Variants in PNO1 observed in about 807,000 individuals in gnomAD.
The protein encoded by PNO1 is partner of NOB1 homolog.
Under a neutral mutation model 28.4 loss-of-function variants are expected in PNO1, and 16 were observed. The observed-to-expected ratio is 0.56, with a 90% confidence interval of 0.38 to 0.85. The LOEUF is 0.85. Ranked by LOEUF, PNO1 falls within the 40% of genes least tolerant of loss-of-function variation. PNO1 has a pLI of 0.00. For synonymous variants in PNO1, 115 were observed against 110.8 expected (o/e 1.04, Z -0.24); for missense variants, 304 against 312.2 (o/e 0.97, Z 0.20).
intron 2 of PNO1, chr2:68,161,145 T>C: frequency 2.1e-6 from 1 of 465,154 alleles, no homozygotes. Context: ...ATAACAGTTA[T>C]TTCTGCATTT....
chr2:68,173,657 A>C (rs10166426), intron 6 of PNO1, among the ~76,000 whole-genome samples: 4,365 of 139,580 alleles, frequency 0.031, 197 homozygotes, highest in African/African-American at 0.11. Flanking sequence ...ATCTCGGCTC[A>C]CTGCAACCTC....
At chr2:68,160,373 G>C (rs1673800111) in intron 2 of PNO1, among the ~76,000 whole-genome samples, 1 of 152,104 alleles carries the variant, frequency 6.6e-6, no homozygotes, top group Non-Finnish European at 1.5e-5. Flanking sequence ...ACTTTTTGGT[G>C]GCTTTGGCCT....
chr2:68,163,589 TCAAGGGAA>T (rs1673899537), intron 5 of PNO1, among the ~76,000 whole-genome samples: 1 of 141,134 alleles, frequency 7.1e-6, no homozygotes, highest in African/African-American at 3.2e-5. Context: ...ACATACTTAC[TCAAGGGAA>T]TCTATTAAAT....
chr2:68,158,611 A>C (rs1053872926), intron 2 of PNO1, 82 bp downstream of exon 2: 1 of 1,232,584 alleles, frequency 8.1e-7, no homozygotes, highest in African/African-American at 1.5e-5. Flanking sequence ...GCTTTACTTA[A>C]TGGGACTTTT....
chr2:68,165,327 G>A (rs1203556295), intron 5 of PNO1, among the ~76,000 whole-genome samples: 1 of 140,492 alleles, frequency 7.1e-6, no homozygotes, highest in Non-Finnish European at 1.5e-5. Context: ...TCCCGCCACT[G>A]CACTCCAGCC....
At chr2:68,162,226 A>G in intron 3 of PNO1, 39 bp from the exon 4 acceptor site, 4 of 1,507,446 alleles carry the variant, frequency 2.7e-6, no homozygotes, top group South Asian at 1.2e-5. Flanking sequence ...CAGGTGTGCA[A>G]ATGGAAGGGG....
In PNO1 at chr2:68,175,119, C is replaced by G. The variant is rs927836760; in HGVS notation, c.*317C>G. The G allele has an allele frequency of 3.4e-5, 7 of 207,834 alleles. No individual in the cohort carries two copies. Among genetic ancestry groups the G allele is most frequent in the Non-Finnish European group, 5.7e-5 (6 of 104,720 alleles). The allele number at this position is 207,834 out of a possible 1,614,324, so 12.9% of individuals were successfully genotyped here. Reference sequence around the variant, plus strand: ...AGGGAAACTTCTTGTTTAAACAGCTCTATATGGATTTATACTTTTATATTT... The same window carrying G: ...AGGGAAACTTCTTGTTTAAACAGCTGTATATGGATTTATACTTTTATATTT... On this transcript the variant is annotated 3_prime_UTR_variant, in exon 7 of 7. Transcript: ENST00000263657.
chr2:68,174,671 G>C, intron 6 of PNO1, 64 bp from the exon 7 acceptor site: 2 of 1,095,684 alleles, frequency 1.8e-6, no homozygotes, highest in Non-Finnish European at 2.8e-6. Context: ...AGACACTGAG[G>C]GACAACTGTA....
chr2:68,161,710 G>C lies in PNO1; in HGVS notation c.385G>C (p.Ala129Pro), dbSNP rs528399980. 6.2e-7 allele frequency: 1 copy of C among 1,612,924 alleles called. No homozygotes were observed. The highest frequency in any genetic ancestry group is 8.5e-7 in the Non-Finnish European group (1 of 1,179,102). Residue 129 changes from alanine to proline, a missense_variant, in exon 3 of 7, where the codon GCT (alanine) becomes CCT (proline). Coordinates refer to ENST00000263657, the MANE Select transcript of PNO1 (RefSeq NM_020143.4). ...RTCKETKDVS[A>P]LTKAADFVKA... Reference sequence around the variant, plus strand: ...TTGTAAAGAAACCAAGGATGTTAGTGCTCTGACAAAAGCAGCTGATTTTGT... The same window carrying C: ...TTGTAAAGAAACCAAGGATGTTAGTCCTCTGACAAAAGCAGCTGATTTTGT...
chr2:68,162,615 A>G lies in PNO1; in HGVS notation c.572A>G (p.Lys191Arg), dbSNP rs372670412. The change falls in exon 5 of 7, where the codon AAA (lysine) becomes AGA (arginine). Residue 191 changes from lysine to arginine, a missense_variant. Transcript: ENST00000263657. Reference protein sequence around the residue: ...GRIAGKGGKTKFTIENVTRTR... With the variant: ...GRIAGKGGKTRFTIENVTRTR... ...ATCGCTGGCAAAGGAGGAAAAACCA[A>G]ATTCACCATAGAGAATGTGACACGG... 12 of 1,613,704 alleles carry G rather than the reference A, an allele frequency of 7.4e-6. No homozygotes were observed. In the African/African-American group the frequency reaches 9.3e-5, roughly 13 times the overall value.
At chr2:68,172,731 A>G (rs1674162899) in intron 5 of PNO1, among the ~76,000 whole-genome samples, 1 of 152,150 alleles carries the variant, frequency 6.6e-6, no homozygotes, top group Admixed American at 6.5e-5. Flanking sequence ...TTGATTTCTT[A>G]TAAACTTCTC....
At position 68,158,082 on chromosome 2, in the gene PNO1, G is replaced by C; in HGVS notation, c.148G>C (p.Glu50Gln). Residue 50 changes from glutamate (E) to glutamine (Q), a missense_variant, in exon 1 of 7, where the codon GAG (glutamate) becomes CAG (glutamine). Transcript: ENST00000263657. ...CGGGGATGCGGGCCGCATGGACACA[G>C]AGGAGGCCAGGCCGGCGAAGAGGCC... Reference protein sequence around the residue: ...EGGDAGRMDTEEARPAKRPVF... With the variant: ...EGGDAGRMDTQEARPAKRPVF... 1 of 1,613,394 alleles carries C rather than the reference G, an allele frequency of 6.2e-7. No homozygotes were observed. The highest frequency in any genetic ancestry group is 8.5e-7 in the Non-Finnish European group (1 of 1,179,804).
chr2:68,174,909 C>T lies in PNO1; in HGVS notation c.*107C>T, dbSNP rs1674234489. The stretch of plus-strand genomic sequence containing the variant: ...AACAATTTCAGTCATTTGAAGCCTC[C>T]GTCCCTTCTTCCATTCTCAGCCAGA... On this transcript the variant is annotated 3_prime_UTR_variant, in exon 7 of 7. Transcript: ENST00000263657. 7 of 617,676 alleles carry T rather than the reference C, an allele frequency of 1.1e-5. No individual in the cohort carries two copies. The highest frequency in any genetic ancestry group is 1.1e-4 in the South Asian group (5 of 46,646). 38.3% of individuals were successfully genotyped at this position (617,676 alleles called of 1,614,324 possible).
Position 68,173,346 on chromosome 2 carries a change from G to A in PNO1, c.621-1G>A. On this transcript the variant is annotated splice_acceptor_variant, in intron 5 of 6. Transcript: ENST00000263657. LOFTEE classifies it high-confidence loss of function. The stretch of plus-strand genomic sequence containing the variant: ...AATTTGTCTCATTTTATTTCTTTCA[G>A]GAAAGTTCACATCCTTGGCTCCTTC... 1 of 1,587,534 alleles carries A rather than the reference G, an allele frequency of 6.3e-7. No homozygotes were observed. The highest frequency in any genetic ancestry group is 8.6e-7 in the Non-Finnish European group (1 of 1,156,576).
At position 68,160,336 on chromosome 2, in the gene PNO1, C is replaced by T. The variant is rs145430036; in HGVS notation, c.358-1347C>T. Among the ~76,000 whole-genome samples the T allele has an allele frequency of 1.3e-3, 204 of 152,304 alleles. 1 individual carries two copies. Among genetic ancestry groups the T allele is most frequent in the African/African-American group, 4.7e-3 (194 of 41,552 alleles). ...GACTCAGTCACAAGTTTGTCTCTCA[C>T]GGATCATAAAGTTTGTTTATGTCCA... On this transcript the variant is annotated intron_variant, in intron 2 of 6. Transcript: ENST00000263657.
At chr2:68,159,616 T>A (rs1016867042) in intron 2 of PNO1, among the ~76,000 whole-genome samples, 5 of 152,210 alleles carry the variant, frequency 3.3e-5, no homozygotes, top group Non-Finnish European at 7.3e-5. Flanking sequence ...TAACCGAAAT[T>A]AATTATATTT....
At chr2:68,163,738 A>G (rs1673905453) in intron 5 of PNO1, among the ~76,000 whole-genome samples, 1 of 152,182 alleles carries the variant, frequency 6.6e-6, no homozygotes, top group African/African-American at 2.4e-5. Context: ...TACATTAGGC[A>G]AAACTAGAGA....
rs1008869308 is a variant in PNO1, at chr2:68,161,066, G to C, written c.358-617G>C. 5 of 363,294 alleles carry C rather than the reference G, an allele frequency of 1.4e-5. No homozygotes were observed. In the Admixed American group the frequency reaches 1.9e-4, roughly 14 times the overall value. 22.5% of individuals were successfully genotyped at this position (363,294 alleles called of 1,614,324 possible). On this transcript the variant is annotated intron_variant, in intron 2 of 6. Coordinates refer to ENST00000263657, the MANE Select transcript of PNO1 (RefSeq NM_020143.4). ...CTTAACATTCAAAGTTGTTGTGAAG[G>C]TTAGAGTTATGGTGTGTAAAGCATG...
At chr2:68,171,743 T>C (rs1447413288) in intron 5 of PNO1, among the ~76,000 whole-genome samples, 1 of 152,032 alleles carries the variant, frequency 6.6e-6, no homozygotes, top group East Asian at 1.9e-4. Context: ...TCAAAAATAA[T>C]AGGGCCTCAC....
Sources: gnomAD v4.1 joint callset for allele counts (sites outside exome capture counted in the v4.1 genomes callset) on GRCh38, gnomAD v4.1.1 for gene constraint, MANE v1.5 for transcripts, NCBI Gene and HGNC (gene_info 2026-07-23, HGNC 2026-07-21) for gene names.